PIK3C2G: variants seen among roughly 807,000 people sequenced by gnomAD.
PIK3C2G encodes the protein phosphatidylinositol-4-phosphate 3-kinase catalytic subunit type 2 gamma.
PIK3C2G carries 168 observed loss-of-function variants against 181.1 expected under a neutral mutation model. The ratio of observed to expected loss-of-function variants is 0.93; its 90% CI spans 0.82 to 1.05. PIK3C2G has a LOEUF of 1.05. Among genes scored for constraint, PIK3C2G ranks in the 50% least tolerant of loss-of-function variants. The pLI, the probability that PIK3C2G is intolerant of heterozygous loss-of-function variation, is 0.00. For missense variants in PIK3C2G, 1,869 were observed against 1,732.8 expected (o/e 1.08, Z -1.40); for synonymous variants, 573 against 592.2 (o/e 0.97, Z 0.47).
intron 29 of PIK3C2G, among the ~76,000 whole-genome samples, chr12:18,577,061 T>C (rs1946265920): frequency 6.6e-6 from 1 of 152,192 alleles, no homozygotes; most frequent in Admixed American, 6.5e-5. Context: ...GCATCTGATT[T>C]CTGGGACTGG....
At chr12:18,427,278 G>T (rs1283683224) in intron 18 of PIK3C2G, among the ~76,000 whole-genome samples, 1 of 151,750 alleles carries the variant, frequency 6.6e-6, no homozygotes, top group Non-Finnish European at 1.5e-5. Context: ...GGCCAAGGCT[G>T]GTGGATCACC....
At chr12:18,317,013 T>C (rs1950893325) in intron 6 of PIK3C2G, among the ~76,000 whole-genome samples, 1 of 109,890 alleles carries the variant, frequency 9.1e-6, no homozygotes, top group Admixed American at 8.7e-5. Context: ...TCTTGATTCT[T>C]TTTTTTTTTT....
At chr12:18,431,571 G>T (rs1474233926) in intron 18 of PIK3C2G, among the ~76,000 whole-genome samples, 2 of 152,144 alleles carry the variant, frequency 1.3e-5, no homozygotes, top group Admixed American at 6.5e-5. Context: ...GGAGGTAAAT[G>T]CTCTCTCTTT....
chr12:18,567,231 C>G (rs1038347435), intron 29 of PIK3C2G, among the ~76,000 whole-genome samples, 174 bp downstream of exon 29: 1 of 151,884 alleles, frequency 6.6e-6, no homozygotes, highest in African/African-American at 2.4e-5. Flanking sequence ...GACCTCATCT[C>G]TACAAAAAAT....
chr12:18,594,429 T>C (rs1947244989), intron 29 of PIK3C2G, 65 bp from the exon 30 acceptor site: 5 of 896,858 alleles, frequency 5.6e-6, no homozygotes, highest in Non-Finnish European at 6.7e-6. Flanking sequence ...CAATTTTATG[T>C]AATAATGAAT....
intron 29 of PIK3C2G, among the ~76,000 whole-genome samples, chr12:18,584,317 G>A (rs1450256215): frequency 1.3e-5 from 2 of 151,914 alleles, no homozygotes; most frequent in African/African-American, 4.8e-5. Context: ...CACCATGCCT[G>A]GCTAAATAGA....
At chr12:18,559,754 T>C (rs553730698) in intron 26 of PIK3C2G, among the ~76,000 whole-genome samples, 24 of 133,802 alleles carry the variant, frequency 1.8e-4, no homozygotes, top group African/African-American at 6.7e-4. Context: ...AGGAGAAATA[T>C]CTCAGAATGT....
rs775606503 is a variant in PIK3C2G, at chr12:18,488,593, G to A, written c.2649G>A (p.Gly883=). The A allele has an allele frequency of 7.7e-6, 12 of 1,565,730 alleles. 1 individual carries two copies. In the South Asian group the frequency reaches 1.2e-4, roughly 16 times the overall value. The part of the protein sequence containing the change: ...QKLIKILGDI[G]ERVKSASDHQ... ...TTATCAAAATTCTGGGAGATATTGG[G>A]GAAAGAGTCAAGTCTGCCAGTGACC... Residue 883 remains glycine (G), a synonymous_variant, in exon 19 of 33, where the codon GGG becomes GGA. Coordinates refer to ENST00000538779, the MANE Select transcript of PIK3C2G (RefSeq NM_001288772.2).
At chr12:18,499,588 C>T (rs772289300) in intron 22 of PIK3C2G, among the ~76,000 whole-genome samples, 34 of 152,240 alleles carry the variant, frequency 2.2e-4, no homozygotes, top group East Asian at 7.7e-4. Context: ...TATCATTGGT[C>T]CCCCAACTTT....
chr12:18,643,611 A>C (rs1265121146), intron 32 of PIK3C2G, among the ~76,000 whole-genome samples: 1 of 151,696 alleles, frequency 6.6e-6, no homozygotes, highest in African/African-American at 2.4e-5. Context: ...AAAGAAGCAC[A>C]CTAGATGTTA....
At chr12:18,318,667 ATACTT>A (rs1950974418) in intron 6 of PIK3C2G, among the ~76,000 whole-genome samples, 2 of 152,122 alleles carry the variant, frequency 1.3e-5, no homozygotes, top group South Asian at 4.1e-4. Flanking sequence ...CTCGCAGTAG[ATACTT>A]TAGAGCTTTC....
intron 29 of PIK3C2G, among the ~76,000 whole-genome samples, chr12:18,575,909 A>G (rs376868613): frequency 1.6e-4 from 24 of 152,222 alleles, no homozygotes; most frequent in African/African-American, 4.8e-4. Flanking sequence ...TCATTAGCAC[A>G]TACTAGCCTA....
the PIK3C2G span, among the ~76,000 whole-genome samples, chr12:18,718,579 T>C: frequency 6.6e-6 from 1 of 152,150 alleles, no homozygotes; most frequent in African/African-American, 2.4e-5. Flanking sequence ...CTGTTTAACA[T>C]GACCTTCCCA....
intron 18 of PIK3C2G, among the ~76,000 whole-genome samples, chr12:18,440,898 G>T (rs1185962508): frequency 1.3e-5 from 2 of 151,986 alleles, no homozygotes; most frequent in Non-Finnish European, 2.9e-5. Flanking sequence ...ATCTGGGCTA[G>T]AACTAAAAAT....
chr12:18,335,765 A>C (rs1389846248), intron 8 of PIK3C2G, among the ~76,000 whole-genome samples: 1 of 152,180 alleles, frequency 6.6e-6, no homozygotes, highest in Non-Finnish European at 1.5e-5. Context: ...CTTTTACTTC[A>C]CATATTCTAG....
At chr12:18,393,872 A>T (rs1943698823) in intron 15 of PIK3C2G, among the ~76,000 whole-genome samples, 1 of 152,146 alleles carries the variant, frequency 6.6e-6, no homozygotes, top group Non-Finnish European at 1.5e-5. Flanking sequence ...ATATTTTTAA[A>T]AAGGCAGAAT....
intron 30 of PIK3C2G, among the ~76,000 whole-genome samples, chr12:18,608,499 T>C (rs978931197): frequency 7.4e-5 from 10 of 135,670 alleles, no homozygotes; most frequent in African/African-American, 1.7e-4. Flanking sequence ...TAGGTGGGAA[T>C]TGAACAATGA....
the PIK3C2G span, chr12:18,696,135 T>C: frequency 8.1e-7 from 1 of 1,238,868 alleles, no homozygotes; most frequent in Non-Finnish European, 1.2e-6. Flanking sequence ...CAACTCAATA[T>C]CGTATATAAC....
intron 31 of PIK3C2G, among the ~76,000 whole-genome samples, chr12:18,614,028 T>C (rs935008082): frequency 2.0e-5 from 3 of 152,204 alleles, no homozygotes; most frequent in African/African-American, 7.2e-5. Flanking sequence ...TAGTCTTAAT[T>C]TTTTGTTGTT....
Sources: allele counts gnomAD v4.1 joint callset (sites outside exome capture counted in the v4.1 genomes callset), GRCh38; gene constraint gnomAD v4.1.1; transcripts MANE v1.5; gene names NCBI Gene and HGNC (gene_info 2026-07-23, HGNC 2026-07-21).